Variants in KCNH7 observed in about 807,000 individuals in gnomAD.
The protein encoded by KCNH7 is potassium voltage-gated channel subfamily H member 7, also known as voltage-gated inwardly rectifying potassium channel KCNH7.
In KCNH7, 49 loss-of-function variants were observed where a neutral mutation model predicts 120.8. The ratio of observed to expected loss-of-function variants is 0.41; its 90% CI spans 0.32 to 0.51. The LOEUF is 0.51. Among genes scored for constraint, KCNH7 ranks in the 20% least tolerant of loss-of-function variants. KCNH7 has a pLI of 0.38. For missense variants in KCNH7, 1,097 were observed against 1,446.6 expected (o/e 0.76, Z 3.92); for synonymous variants, 547 against 516.1 (o/e 1.06, Z -0.81).
At chr2:162,510,444 G>A (rs1315083858) in intron 5 of KCNH7, among the ~76,000 whole-genome samples, 1 of 151,374 alleles carries the variant, frequency 6.6e-6, no homozygotes, top group Non-Finnish European at 1.5e-5. Context: ...TGTGTAACAG[G>A]CACTAACACG....
At chr2:162,602,317 A>G (rs1324624812) in intron 2 of KCNH7, among the ~76,000 whole-genome samples, 1 of 152,070 alleles carries the variant, frequency 6.6e-6, no homozygotes, top group South Asian at 2.1e-4. Context: ...TTCATCCAAG[A>G]AAGTCTGAGG....
intron 2 of KCNH7, among the ~76,000 whole-genome samples, chr2:162,800,811 C>T (rs766947918): frequency 2.0e-5 from 3 of 151,834 alleles, no homozygotes; most frequent in Non-Finnish European, 4.4e-5. Context: ...TATGATGTTG[C>T]AGAACTCCCA....
intron 2 of KCNH7, among the ~76,000 whole-genome samples, chr2:162,752,480 ATTAT>A (rs771659825): frequency 3.9e-5 from 6 of 152,096 alleles, no homozygotes; most frequent in Non-Finnish European, 5.9e-5. Flanking sequence ...CATTTAACTA[ATTAT>A]TTAATTAAGT....
At chr2:162,784,802 G>C (rs1292627556) in intron 2 of KCNH7, 1 of 152,156 alleles carries the variant, frequency 6.6e-6, no homozygotes, top group East Asian at 1.9e-4. Flanking sequence ...AAAGATCTTA[G>C]AAGGTAGCAC....
chr2:162,682,276 A>G (rs1488043211), intron 2 of KCNH7, among the ~76,000 whole-genome samples: 2 of 151,780 alleles, frequency 1.3e-5, no homozygotes, highest in Non-Finnish European at 2.9e-5. Flanking sequence ...CAGAATGATA[A>G]CACATACATG....
At chr2:162,539,125 C>G (rs1040740724) in intron 2 of KCNH7, among the ~76,000 whole-genome samples, 1 of 151,960 alleles carries the variant, frequency 6.6e-6, no homozygotes, top group Admixed American at 6.6e-5. Context: ...TGGTAACAAA[C>G]GGGATGACTT....
chr2:162,535,822 G>A (rs973880222), intron 3 of KCNH7, among the ~76,000 whole-genome samples: 1 of 151,716 alleles, frequency 6.6e-6, no homozygotes, highest in African/African-American at 2.4e-5. Flanking sequence ...GCGATAGATA[G>A]ATCAACAGAA....
intron 6 of KCNH7, among the ~76,000 whole-genome samples, chr2:162,472,460 T>G (rs1156547067): frequency 6.6e-6 from 1 of 152,178 alleles, no homozygotes; most frequent in Non-Finnish European, 1.5e-5. Context: ...AAAGAAGACA[T>G]TTATGCAGCC....
chr2:162,745,191 A>C (rs534655526), intron 2 of KCNH7, among the ~76,000 whole-genome samples: 33 of 152,310 alleles, frequency 2.2e-4, no homozygotes, highest in African/African-American at 7.9e-4. Flanking sequence ...GACCAGAGAG[A>C]GCATACAGAG....
intron 2 of KCNH7, among the ~76,000 whole-genome samples, chr2:162,789,387 A>G (rs1020997967): frequency 2.6e-5 from 4 of 152,056 alleles, no homozygotes; most frequent in African/African-American, 9.6e-5. Flanking sequence ...TGAAGGGAGA[A>G]GTAAACAGCA....
intron 2 of KCNH7, among the ~76,000 whole-genome samples, chr2:162,762,960 A>C (rs1250920898): frequency 6.6e-6 from 1 of 152,110 alleles, no homozygotes; most frequent in African/African-American, 2.4e-5. Flanking sequence ...AAGAACCTTC[A>C]GCCAGTAAAA....
At chr2:162,688,482 G>T (rs893856411) in intron 2 of KCNH7, among the ~76,000 whole-genome samples, 2 of 152,180 alleles carry the variant, frequency 1.3e-5, no homozygotes, top group Admixed American at 6.6e-5. Context: ...AACCCAAAAA[G>T]GTTCAGATTT....
At chr2:162,377,195 A>C (rs1686227425) in intron 14 of KCNH7, among the ~76,000 whole-genome samples, 1 of 152,054 alleles carries the variant, frequency 6.6e-6, no homozygotes, top group African/African-American at 2.4e-5. Flanking sequence ...AATAAAGTGG[A>C]GGTGAAAGGT....
intron 2 of KCNH7, among the ~76,000 whole-genome samples, chr2:162,724,163 T>C (rs1687430312): frequency 6.6e-6 from 1 of 152,174 alleles, no homozygotes; most frequent in East Asian, 1.9e-4. Flanking sequence ...TATGTGTGTG[T>C]TTGTGTGTGC....
chr2:162,723,403 G>A (rs1461250867), intron 2 of KCNH7, among the ~76,000 whole-genome samples: 1 of 152,074 alleles, frequency 6.6e-6, no homozygotes, highest in Non-Finnish European at 1.5e-5. Context: ...ACAGATGAAT[G>A]AATAAAGAAA....
intron 2 of KCNH7, among the ~76,000 whole-genome samples, chr2:162,777,893 T>C (rs1399425466): frequency 6.6e-6 from 1 of 152,158 alleles, no homozygotes. Flanking sequence ...TCACATTGAA[T>C]GTAATAAGTT....
rs1688573163 is a variant in KCNH7, at chr2:162,446,312, G to A, written c.1260C>T (p.Tyr420=). The A allele has an allele frequency of 6.2e-7, 1 of 1,613,924 alleles. No homozygotes were observed. Residue 420 remains tyrosine, a synonymous_variant, in exon 7 of 16, where the codon TAC becomes TAT. Transcript: ENST00000332142. ...WDWLILLLVI[Y]TAIFTPYSAA... The stretch of plus-strand genomic sequence containing the variant: ...CAGAGTAGGGAGTAAATATAGCAGT[G>A]TATATGACCAACAGCAGGATAAGCC...
chr2:162,618,881 A>G (rs1683240125), intron 2 of KCNH7, among the ~76,000 whole-genome samples: 1 of 152,200 alleles, frequency 6.6e-6, no homozygotes, highest in Non-Finnish European at 1.5e-5. Context: ...ATTAGGAAAC[A>G]TTAGACTAAG....
intron 2 of KCNH7, among the ~76,000 whole-genome samples, chr2:162,582,596 G>A (rs1693910869): frequency 5.3e-5 from 8 of 152,082 alleles, no homozygotes; most frequent in Admixed American, 4.6e-4. Flanking sequence ...GCCTGGCTGA[G>A]TCATGCTGTT....
Sources: gnomAD v4.1 joint callset for allele counts (sites outside exome capture counted in the v4.1 genomes callset) on GRCh38, gnomAD v4.1.1 for gene constraint, MANE v1.5 for transcripts, NCBI Gene and HGNC (gene_info 2026-07-23, HGNC 2026-07-21) for gene names.